PEBP4: variants seen among roughly 807,000 people sequenced by gnomAD.
PEBP4 encodes phosphatidylethanolamine-binding protein 4.
A neutral mutation model predicts 23.9 loss-of-function variants in PEBP4; 22 were observed. The observed-to-expected ratio is 0.92, with a 90% CI of 0.66 to 1.31. The LOEUF (loss-of-function observed/expected upper bound fraction) is 1.31. Ranked by LOEUF, PEBP4 falls within the 40% of genes most tolerant of loss-of-function variation. The pLI is 0.00. For missense variants in PEBP4, 324 were observed against 281.7 expected, an observed-to-expected ratio of 1.15 and a Z score of -1.07; for synonymous variants, 112 against 99.3, an observed-to-expected ratio of 1.13 and a Z score of -0.76.
chr8:22,785,749 C>T (rs147800536), intron 4 of PEBP4, among the ~76,000 whole-genome samples: 1 of 152,326 alleles, frequency 6.6e-6, no homozygotes, highest in African/African-American at 2.4e-5. Context: ...GGAGAGGCCA[C>T]CTCAGTCTGG....
intron 3 of PEBP4, among the ~76,000 whole-genome samples, chr8:22,901,600 T>C (rs576271352): frequency 1.1e-4 from 17 of 152,220 alleles, no homozygotes; most frequent in South Asian, 1.0e-3. Flanking sequence ...TTCCCTGTCA[T>C]AGGTGATTGA....
intron 3 of PEBP4, among the ~76,000 whole-genome samples, chr8:22,858,335 A>G (rs985126341): frequency 6.6e-6 from 1 of 152,246 alleles, no homozygotes; most frequent in Admixed American, 6.5e-5. Context: ...CATGGCCTTA[A>G]TGAATAACCA....
At chr8:22,764,551 G>GTA (rs768606704) in intron 4 of PEBP4, among the ~76,000 whole-genome samples, 7 of 152,120 alleles carry the variant, frequency 4.6e-5, no homozygotes, top group East Asian at 1.9e-4. Context: ...AGGCCTTTAT[G>GTA]TATATATATA....
At chr8:22,719,376 T>C (rs1289833937) in intron 6 of PEBP4, among the ~76,000 whole-genome samples, 2 of 152,108 alleles carry the variant, frequency 1.3e-5, no homozygotes, top group Non-Finnish European at 2.9e-5. Context: ...AAGAGGAGTG[T>C]GAGGCTGGCT....
chr8:22,843,020 G>A (rs1232572266), intron 3 of PEBP4, among the ~76,000 whole-genome samples: 2 of 152,254 alleles, frequency 1.3e-5, no homozygotes, highest in Non-Finnish European at 2.9e-5. Context: ...TAGAGACGGG[G>A]TTTCACCATG....
intron 2 of PEBP4, among the ~76,000 whole-genome samples, chr8:22,927,037 A>G (rs1209162826): frequency 3.3e-5 from 5 of 152,212 alleles, no homozygotes; most frequent in East Asian, 1.9e-4. Flanking sequence ...TACCCAAAGT[A>G]GAAGCAGCTT....
rs193301871 is a variant in PEBP4 at position 22,894,531 on chromosome 8, G to A, written c.258+25653C>T. ...CAGGAGGTCAAGGCTGCAGTGAACC[G>A]TAATCATGCCACTGCACTCCAGCTT... is the stretch of plus-strand genomic sequence containing the variant. On this transcript the variant is annotated intron_variant, in intron 3 of 6. Coordinates refer to ENST00000256404, the MANE Select transcript of PEBP4 (RefSeq NM_144962.3). 6.0e-4 allele frequency among the ~76,000 whole-genome samples: 92 copies of A among 152,266 alleles called. 1 individual carries two copies. The highest frequency in any genetic ancestry group is 3.4e-3 in the Middle Eastern group (1 of 294).
rs189328398 is a variant in PEBP4 at position 22,821,662 on chromosome 8, G to A, written c.259-3927C>T. Reference sequence around the variant, plus strand: ...AAAGAAAGAGTGTGGTGGAACTTGGGAACTCAAAGCGGGACAAGGAAGGGA... The same window carrying A: ...AAAGAAAGAGTGTGGTGGAACTTGGAAACTCAAAGCGGGACAAGGAAGGGA... On this transcript the variant is annotated intron_variant, in intron 3 of 6. Coordinates refer to ENST00000256404, the MANE Select transcript of PEBP4 (RefSeq NM_144962.3). Among the ~76,000 whole-genome samples the A allele has an allele frequency of 2.0e-5, 3 of 151,974 alleles. No homozygotes were observed. In the East Asian group the frequency reaches 5.8e-4, roughly 29 times the overall value.
chr8:22,786,337 C>A (rs904222270), intron 4 of PEBP4, among the ~76,000 whole-genome samples: 1 of 152,080 alleles, frequency 6.6e-6, no homozygotes, highest in East Asian at 1.9e-4. Flanking sequence ...GGCTGGAGTA[C>A]AGTGGTGTGA....
intron 4 of PEBP4, among the ~76,000 whole-genome samples, chr8:22,794,069 T>G (rs1470519408): frequency 6.6e-6 from 1 of 152,188 alleles, no homozygotes; most frequent in Non-Finnish European, 1.5e-5. Flanking sequence ...CATTTCCAAC[T>G]GCCAGGGTCG....
At chr8:22,801,859 AG>A (rs1806389959) in intron 4 of PEBP4, among the ~76,000 whole-genome samples, 2 of 152,024 alleles carry the variant, frequency 1.3e-5, no homozygotes, top group Non-Finnish European at 2.9e-5. Context: ...ACCACTCTTA[AG>A]GTTAATAAGG....
At position 22,855,771 on chromosome 8, in the gene PEBP4, T is replaced by C. The variant is rs144462167; in HGVS notation, c.259-38036A>G. ...TATAGTAAAAAGCAGCCAGGCATGA[T>C]AGCTCACGCCTGTAATCCCAGCACT... On this transcript the variant is annotated intron_variant, in intron 3 of 6. Transcript: ENST00000256404. Among the ~76,000 whole-genome samples, 319 of 152,254 alleles carry C rather than the reference T, an allele frequency of 2.1e-3. 1 individual carries two copies. The highest frequency in any genetic ancestry group is 7.5e-3 in the African/African-American group (312 of 41,550).
intron 3 of PEBP4, among the ~76,000 whole-genome samples, chr8:22,832,058 C>T (rs1163506133): frequency 1.3e-5 from 2 of 151,998 alleles, no homozygotes; most frequent in Non-Finnish European, 2.9e-5. Context: ...TAAGAATGGG[C>T]ACGATAAAGG....
chr8:22,863,019 C>T (rs1196554098), intron 3 of PEBP4, among the ~76,000 whole-genome samples: 1 of 152,040 alleles, frequency 6.6e-6, no homozygotes, highest in Non-Finnish European at 1.5e-5. Context: ...CCAGGATGGT[C>T]TCGAGCTCCT....
chr8:22,869,251 T>C (rs1228043489), intron 3 of PEBP4, among the ~76,000 whole-genome samples: 2 of 152,252 alleles, frequency 1.3e-5, no homozygotes, highest in Non-Finnish European at 2.9e-5. Flanking sequence ...CTTGTCTCCC[T>C]TGTTCTGCTC....
At position 22,825,389 on chromosome 8, in the gene PEBP4, C is replaced by T. The variant is rs138042967; in HGVS notation, c.259-7654G>A. On this transcript the variant is annotated intron_variant, in intron 3 of 6. Transcript: ENST00000256404. ...TTTAAGCATAGCCAAGACAGAAGAA[C>T]GTGCCATCAACACTTCCAACAAGGG... Among the ~76,000 whole-genome samples the T allele has an allele frequency of 8.5e-5, 13 of 152,270 alleles. No individual in the cohort carries two copies. The East Asian group carries it at 1.9e-3, about 23-fold the overall frequency.
chr8:22,746,384 G>A (rs943548804), intron 4 of PEBP4, among the ~76,000 whole-genome samples: 2 of 152,102 alleles, frequency 1.3e-5, no homozygotes, highest in Non-Finnish European at 2.9e-5. Flanking sequence ...GGCTGGTTGC[G>A]GTGTCTGTGA....
At chr8:22,868,190 G>A (rs1304183054) in intron 3 of PEBP4, among the ~76,000 whole-genome samples, 1 of 152,226 alleles carries the variant, frequency 6.6e-6, no homozygotes, top group Admixed American at 6.5e-5. Context: ...GGTCAGAAAT[G>A]TCTATGCTTT....
At chr8:22,840,552 T>G (rs760491678) in intron 3 of PEBP4, among the ~76,000 whole-genome samples, 1 of 152,088 alleles carries the variant, frequency 6.6e-6, no homozygotes, top group Admixed American at 6.5e-5. Context: ...TTGGTTCTTT[T>G]GTTAGGGAAT....
Sources: gnomAD v4.1 joint callset for allele counts (sites outside exome capture counted in the v4.1 genomes callset) on GRCh38, gnomAD v4.1.1 for gene constraint, MANE v1.5 for transcripts, NCBI Gene and HGNC (gene_info 2026-07-23, HGNC 2026-07-21) for gene names.